SMDT1: variants seen among roughly 807,000 people sequenced by gnomAD.
SMDT1 encodes single-pass membrane protein with aspartate rich tail 1, also known as essential MCU regulator, mitochondrial.
In SMDT1, 6 loss-of-function variants were observed where a neutral mutation model predicts 5.9. The ratio of observed to expected loss-of-function variants is 1.03; its 90% CI spans 0.56 to 2.02. The LOEUF (loss-of-function observed/expected upper bound fraction) is 2.02, where lower values mean the gene tolerates loss of function less well. Ranked by LOEUF, SMDT1 falls within the 30% of genes most tolerant of loss-of-function variation. The probability of loss-of-function intolerance (pLI) is 0.00; values close to 1 mark genes in which losing one functional copy is unlikely to be tolerated. For missense variants in SMDT1, 159 were observed against 145.6 expected (o/e 1.09, Z -0.47); for synonymous variants, 81 against 62.4 (o/e 1.30, Z -1.40).
intron 1 of SMDT1, 53 bp downstream of exon 1, chr22:42,080,007 G>A: frequency 3.2e-6 from 5 of 1,541,886 alleles, no homozygotes; most frequent in Non-Finnish European, 4.4e-6. Flanking sequence ...TCATTGTGGG[G>A]AGTGCGTGAG....
intron 2 of SMDT1, among the ~76,000 whole-genome samples, chr22:42,082,463 A>G (rs1319492462): frequency 1.3e-5 from 2 of 152,192 alleles, no homozygotes; most frequent in Non-Finnish European, 2.9e-5. Context: ...GGCCTCCCAA[A>G]GTGCTGTGAT....
chr22:42,079,817 G>A lies in SMDT1; in HGVS notation c.49G>A (p.Gly17Arg), dbSNP rs1319295933. 6.2e-7 allele frequency: 1 copy of A among 1,612,728 alleles called. No individual in the cohort carries two copies. The highest frequency in any genetic ancestry group is 8.5e-7 in the Non-Finnish European group (1 of 1,179,870). The change falls in exon 1 of 3, where the codon GGG becomes AGG. Residue 17 changes from glycine (G) to arginine (R), a missense_variant. Transcript: ENST00000331479. Reference protein sequence around the residue: ...RWLVLAPVRSGALRSGPSLRK... With the variant: ...RWLVLAPVRSRALRSGPSLRK... ...GCTAGTATTGGCACCCGTCAGGTCC[G>A]GGGCTCTCCGGAGCGGGCCTAGCTT...
rs79463622 is a variant in SMDT1 at position 42,084,174 on chromosome 22, G to T, written c.*1059G>T. The T allele has an allele frequency of 3.0e-3, 458 of 152,378 alleles. 3 individuals are homozygous for T. The highest frequency in any genetic ancestry group is 5.5e-3 in the Non-Finnish European group (375 of 68,078). 9.4% of individuals were successfully genotyped at this position (152,378 alleles called of 1,614,324 possible). On this transcript the variant is annotated 3_prime_UTR_variant, in exon 3 of 3. Transcript: ENST00000331479. Reference sequence around the variant, plus strand: ...AGAACAGAACACTTGGCTTTGCAAAGTGGCACGCCTGGAGAGAACTTGGAA... The same window carrying T: ...AGAACAGAACACTTGGCTTTGCAAATTGGCACGCCTGGAGAGAACTTGGAA...
At chr22:42,082,308 T>C in intron 2 of SMDT1, 2 of 445,010 alleles carry the variant, frequency 4.5e-6, no homozygotes, top group Non-Finnish European at 8.2e-6. Flanking sequence ...TTCAAGCGAT[T>C]CTCCTGCCTC....
chr22:42,079,705 C>A lies in SMDT1; in HGVS notation c.-64C>A. On this transcript the variant is annotated 5_prime_UTR_variant, in exon 1 of 3. Transcript: ENST00000331479. ...GCGAGGCTTCGGGCGGCTTTCTTCCCGAGGGCGGCACGAGGGCTGGGCGGT... is the reference window on the plus strand; with the variant it reads ...GCGAGGCTTCGGGCGGCTTTCTTCCAGAGGGCGGCACGAGGGCTGGGCGGT... 6.6e-7 allele frequency: 1 copy of A among 1,524,468 alleles called. No homozygotes were observed. 94.4% of individuals were successfully genotyped at this position (1,524,468 alleles called of 1,614,324 possible).
At position 42,083,263 on chromosome 22, in the gene SMDT1, C is replaced by T. The variant is rs9607875; in HGVS notation, c.*148C>T. The T allele has an allele frequency of 7.1e-3, 1,091 of 152,776 alleles. 4 individuals carry two copies. The highest frequency in any genetic ancestry group is 0.015 in the South Asian group (74 of 4,828). 9.5% of individuals were successfully genotyped at this position (152,776 alleles called of 1,614,324 possible). A position where few individuals can be genotyped will look rare whatever the true frequency, so the allele number is the denominator to read the frequency against. ...CTGTATGGTCCATGACCGTATTCCA[C>T]CCCAGGCTCTGGGAGGCTCCCTGAG... On this transcript the variant is annotated 3_prime_UTR_variant, in exon 3 of 3. Transcript: ENST00000331479.
At chr22:42,081,413 C>T (rs1927774702) in intron 1 of SMDT1, among the ~76,000 whole-genome samples, 1 of 151,984 alleles carries the variant, frequency 6.6e-6, no homozygotes, top group Admixed American at 6.6e-5. Flanking sequence ...GATCCGCCCG[C>T]CTCAGCCTCC....
In SMDT1 at chr22:42,079,948, G is replaced by GGTGAAA; in HGVS notation, c.185_186+4dup. On this transcript the variant is annotated inframe_insertion, in exon 1 of 3. Transcript: ENST00000331479. ...GCAGCGGCGCCATTTTGCCCAAACCGGTGAAAGTGAGTGTCCTCCTGGAGA... is the reference window on the plus strand; with the variant it reads ...GCAGCGGCGCCATTTTGCCCAAACCGGTGAAAGTGAAAGTGAGTGTCCTCCTGGAGA... 6.2e-7 allele frequency: 1 copy of GGTGAAA among 1,611,140 alleles called. No individual in the cohort carries two copies. Among genetic ancestry groups the GGTGAAA allele is most frequent in the Non-Finnish European group, 8.5e-7 (1 of 1,178,114 alleles).
intron 1 of SMDT1, among the ~76,000 whole-genome samples, chr22:42,080,245 T>C (rs1360270490): frequency 6.6e-6 from 1 of 152,212 alleles, no homozygotes; most frequent in East Asian, 1.9e-4. Context: ...CGTGTGCTTC[T>C]AGCTTAGAGC....
intron 1 of SMDT1, among the ~76,000 whole-genome samples, chr22:42,081,263 T>G (rs1397145562): frequency 6.6e-6 from 1 of 151,982 alleles, no homozygotes; most frequent in Non-Finnish European, 1.5e-5. Context: ...CCTCCCGGGT[T>G]CAAGTGATTC....
intron 2 of SMDT1, among the ~76,000 whole-genome samples, chr22:42,082,909 T>G (rs2093606324): frequency 6.6e-6 from 1 of 152,210 alleles, no homozygotes; most frequent in Non-Finnish European, 1.5e-5. Context: ...ACTCTGAGCT[T>G]CTTGCTGGCA....
chr22:42,080,821 T>C (rs1927725349), intron 1 of SMDT1, among the ~76,000 whole-genome samples: 1 of 152,238 alleles, frequency 6.6e-6, no homozygotes, highest in South Asian at 2.1e-4. Context: ...ACTGACATTC[T>C]CCCAATCCAT....
At chr22:42,082,428 C>T (rs879165023) in intron 2 of SMDT1, among the ~76,000 whole-genome samples, 4 of 151,952 alleles carry the variant, frequency 2.6e-5, no homozygotes, top group Admixed American at 2.6e-4. Context: ...CTCAAACTCC[C>T]GACCTCAGGT....
chr22:42,082,868 G>A (rs1927891453), intron 2 of SMDT1, among the ~76,000 whole-genome samples: 1 of 152,122 alleles, frequency 6.6e-6, no homozygotes, highest in South Asian at 2.1e-4. Flanking sequence ...GTATTATGTG[G>A]CTAAACACAC....
Position 42,082,470 on chromosome 22 carries a change from T to G in SMDT1, c.*3+405T>G, listed in dbSNP as rs199594447. ...CCCACCTTGGCCTCCCAAAGTGCTG[T>G]GATTACAGGCGTGAGCCACTGCGCC... is the stretch of plus-strand genomic sequence containing the variant. On this transcript the variant is annotated intron_variant, in intron 2 of 2. Transcript: ENST00000331479. Among the ~76,000 whole-genome samples the G allele has an allele frequency of 1.4e-4, 21 of 152,236 alleles. No individual in the cohort carries two copies. In the East Asian group the frequency reaches 1.9e-3, roughly 14 times the overall value.
chr22:42,080,707 C>A (rs539473625), intron 1 of SMDT1, among the ~76,000 whole-genome samples: 1 of 152,180 alleles, frequency 6.6e-6, no homozygotes, highest in Non-Finnish European at 1.5e-5. Flanking sequence ...CTAACTCACA[C>A]AATTGACTGT....
chr22:42,080,611 T>C (rs2146860819), intron 1 of SMDT1, among the ~76,000 whole-genome samples: 1 of 152,236 alleles, frequency 6.6e-6, no homozygotes, highest in African/African-American at 2.4e-5. Context: ...GTCCCTTATA[T>C]CAAGCGAAAG....
In SMDT1 at chr22:42,079,721, G is replaced by T. The variant is rs750717696; in HGVS notation, c.-48G>T. 6.4e-7 allele frequency: 1 copy of T among 1,565,196 alleles called. No individual in the cohort carries two copies. The highest frequency in any genetic ancestry group is 8.6e-7 in the Non-Finnish European group (1 of 1,160,650). On this transcript the variant is annotated 5_prime_UTR_variant, in exon 1 of 3. Transcript: ENST00000331479. Reference sequence around the variant, plus strand: ...CTTTCTTCCCGAGGGCGGCACGAGGGCTGGGCGGTGGGGTGCGGGTGCCCG... The same window carrying T: ...CTTTCTTCCCGAGGGCGGCACGAGGTCTGGGCGGTGGGGTGCGGGTGCCCG...
intron 2 of SMDT1, 101 bp downstream of exon 2, chr22:42,082,166 G>A: frequency 2.1e-6 from 3 of 1,452,546 alleles, no homozygotes; most frequent in Admixed American, 1.8e-5. Context: ...GGGGGCAGAA[G>A]CATTAATGAA....
Sources: allele counts gnomAD v4.1 joint callset (sites outside exome capture counted in the v4.1 genomes callset), GRCh38; gene constraint gnomAD v4.1.1; transcripts MANE v1.5; gene names NCBI Gene and HGNC (gene_info 2026-07-23, HGNC 2026-07-21).